The following ADGRG4 variants were observed in gnomAD, a reference collection of about 807,000 sequenced individuals.
The protein encoded by ADGRG4 is G protein-coupled receptor 112.
In ADGRG4, 122 loss-of-function variants were observed where a neutral mutation model predicts 126.2. The ratio of observed to expected loss-of-function variants is 0.97; its 90% confidence interval spans 0.83 to 1.12. The LOEUF (loss-of-function observed/expected upper bound fraction) is 1.12, where lower values mean the gene tolerates loss of function less well. Among genes scored for constraint, ADGRG4 ranks in the 50% most tolerant of loss-of-function variants. The pLI is 0.00. For synonymous variants in ADGRG4, 943 were observed against 838.7 expected (o/e 1.12, Z -2.15); for missense variants, 2,481 against 2,251.8 (o/e 1.10, Z -2.06).
chrX:136,408,747 C>T (rs1000886776), intron 23 of ADGRG4, among the ~76,000 whole-genome samples: 1 of 111,731 alleles, frequency 9.0e-6, no homozygotes, highest in Non-Finnish European at 1.9e-5. Flanking sequence ...AATGAGATTG[C>T]TGAGTCAAAT....
intron 4 of ADGRG4, among the ~76,000 whole-genome samples, chrX:136,310,962 G>T (rs1037334951): frequency 1.8e-5 from 2 of 111,309 alleles, no homozygotes; most frequent in Non-Finnish European, 3.8e-5. Context: ...TTTAAACCAT[G>T]GGCATTTATT....
At chrX:136,378,062 A>G (rs923220381) in intron 15 of ADGRG4, among the ~76,000 whole-genome samples, 1 of 111,207 alleles carries the variant, frequency 9.0e-6, no homozygotes, top group Non-Finnish European at 1.9e-5. Context: ...TTATTGGTCA[A>G]TTTTGGGAGA....
At chrX:136,329,909 G>A (rs1292471371) in intron 5 of ADGRG4, among the ~76,000 whole-genome samples, 1 of 109,826 alleles carries the variant, frequency 9.1e-6, no homozygotes, top group Non-Finnish European at 1.9e-5. Flanking sequence ...GTCTTGCTAT[G>A]TTGCCTAGGC....
chrX:136,349,120 C>G lies in ADGRG4; in HGVS notation c.5414C>G (p.Thr1805Ser), dbSNP rs1477345630. 1 of 1,204,562 alleles carries G rather than the reference C, an allele frequency of 8.3e-7. No individual in the cohort carries two copies. Residue 1805 changes from threonine (T) to serine (S), a missense_variant, in exon 6 of 26, where the codon ACT becomes AGT. Coordinates refer to ENST00000394143, the MANE Select transcript of ADGRG4 (RefSeq NM_153834.4). ...AAGATGACTTCCTTGTTAGAAAAGACTTCCTTAACAAACTATGCCACATCT... is the reference window on the plus strand; with the variant it reads ...AAGATGACTTCCTTGTTAGAAAAGAGTTCCTTAACAAACTATGCCACATCT... The part of the protein sequence containing the change: ...TRKMTSLLEK[T>S]SLTNYATSLN...
Position 136,345,839 on chromosome X carries a change from C to T in ADGRG4, c.2133C>T (p.Gly711=). The T allele has an allele frequency of 8.3e-7, 1 of 1,210,615 alleles. No homozygotes were observed. Among genetic ancestry groups the T allele is most frequent in the East Asian group, 3.0e-5 (1 of 33,826 alleles). Reference sequence around the variant, plus strand: ...CCCCACTGAAAGCATCTCCAGAGGGCAAAGGTACCACTGCCAATGATGCTA... The same window carrying T: ...CCCCACTGAAAGCATCTCCAGAGGGTAAAGGTACCACTGCCAATGATGCTA... ...NITPLKASPE[G]KGTTANDATT... Residue 711 remains glycine (G), a synonymous_variant, in exon 6 of 26, where the codon GGC becomes GGT. Transcript: ENST00000394143.
At chrX:136,328,674 G>A (rs1023811476) in intron 5 of ADGRG4, among the ~76,000 whole-genome samples, 4 of 111,838 alleles carry the variant, frequency 3.6e-5, no homozygotes, top group Admixed American at 1.9e-4. Flanking sequence ...TTTATGAATT[G>A]ACTATTCTTA....
chrX:136,363,113 A>T (rs1163340521), intron 12 of ADGRG4, among the ~76,000 whole-genome samples: 2 of 111,687 alleles, frequency 1.8e-5, no homozygotes, highest in East Asian at 5.7e-4. Context: ...ACCACATTCG[A>T]ACAGGAATTT....
At chrX:136,351,421 A>G in intron 6 of ADGRG4, 26 bp from the exon 7 acceptor site, 1 of 889,051 alleles carries the variant, frequency 1.1e-6, no homozygotes, top group Admixed American at 3.2e-5. Context: ...AATGAATAAA[A>G]TTAACCTCCT....
intron 20 of ADGRG4, 78 bp from the exon 21 acceptor site, chrX:136,399,770 T>A: frequency 2.4e-6 from 2 of 836,233 alleles, no homozygotes; most frequent in Non-Finnish European, 3.4e-6. Flanking sequence ...TCACTTATTA[T>A]GTAGATAAGA....
intron 5 of ADGRG4, among the ~76,000 whole-genome samples, chrX:136,329,228 A>G (rs2074893617): frequency 9.0e-6 from 1 of 111,688 alleles, no homozygotes; most frequent in Admixed American, 9.5e-5. Flanking sequence ...GGCTAGAACG[A>G]CACATAGATT....
At chrX:136,301,322 T>C (rs1193041814) in intron 1 of ADGRG4, among the ~76,000 whole-genome samples, 1 of 112,569 alleles carries the variant, frequency 8.9e-6, no homozygotes, top group Non-Finnish European at 1.9e-5. Context: ...TTGATTTGCA[T>C]TTCTCTGATG....
Position 136,411,652 on chromosome X carries a change from G to A in ADGRG4, c.8936-613G>A, listed in dbSNP as rs189671441. On this transcript the variant is annotated intron_variant, in intron 23 of 25. Transcript: ENST00000394143. ...GGATCAGGAATTCAGGGGCAGCTTA[G>A]CTGGGTGTTTCTGACTCAGGGACTG... Among the ~76,000 whole-genome samples, 393 of 112,899 alleles carry A rather than the reference G, an allele frequency of 3.5e-3. 1 individual carries two copies. The highest frequency in any genetic ancestry group is 0.012 in the African/African-American group (360 of 31,136).
intron 5 of ADGRG4, among the ~76,000 whole-genome samples, chrX:136,325,443 T>C (rs2148452608): frequency 8.9e-6 from 1 of 112,083 alleles, no homozygotes; most frequent in South Asian, 3.8e-4. Context: ...AAAGAGAATA[T>C]TCCTAGCTGG....
chrX:136,397,927 C>G lies in ADGRG4; in HGVS notation c.8231C>G (p.Ala2744Gly), dbSNP rs775547546. The G allele has an allele frequency of 1.7e-6, 2 of 1,194,839 alleles. No individual in the cohort carries two copies. Among genetic ancestry groups the G allele is most frequent in the South Asian group, 3.5e-5 (2 of 56,526 alleles). ...TVDSVNEQIL[A>G]LITYTGCGIS... ...GATTCAGTGAATGAACAGATATTAG[C>G]GCTTATAACATACACCGGATGTGGA... is the stretch of plus-strand genomic sequence containing the variant. Residue 2744 changes from alanine to glycine, a missense_variant, in exon 20 of 26, where the codon GCG (alanine) becomes GGG (glycine). Physicochemically the swap from Ala to Gly is moderately conservative, Grantham distance 60. Transcript: ENST00000394143.
chrX:136,337,318 C>T (rs1480885652), intron 5 of ADGRG4, among the ~76,000 whole-genome samples: 1 of 111,661 alleles, frequency 9.0e-6, no homozygotes, highest in East Asian at 2.8e-4. Context: ...CAATTTTTGT[C>T]TCAATCATCA....
chrX:136,412,286 A>C lies in ADGRG4; in HGVS notation c.8957A>C (p.His2986Pro). Residue 2986 changes from histidine to proline, a missense_variant, in exon 24 of 26, where the codon CAC becomes CCC. His to Pro is a moderately conservative substitution (Grantham distance 77). Transcript: ENST00000394143. ...TTAGGATTCTTCATTTTTGTGTTTCACTGTGTGATGAAGGAGAGTGTGCGG... is the reference window on the plus strand; with the variant it reads ...TTAGGATTCTTCATTTTTGTGTTTCCCTGTGTGATGAAGGAGAGTGTGCGG... ...TLQGFFIFVF[H>P]CVMKESVREQ... 1 of 1,203,753 alleles carries C rather than the reference A, an allele frequency of 8.3e-7. No individual in the cohort carries two copies. Among genetic ancestry groups the C allele is most frequent in the Non-Finnish European group, 1.1e-6 (1 of 888,074 alleles).
chrX:136,308,147 A>G (rs1221390438), intron 3 of ADGRG4, among the ~76,000 whole-genome samples: 2 of 112,909 alleles, frequency 1.8e-5, no homozygotes, highest in African/African-American at 3.2e-5. Context: ...CTTGTTGCCC[A>G]GGTTGGAGCG....
chrX:136,343,257 A>G (rs1396949633), intron 5 of ADGRG4, among the ~76,000 whole-genome samples: 1 of 111,136 alleles, frequency 9.0e-6, no homozygotes, highest in Admixed American at 9.6e-5. Flanking sequence ...AGGGCCAGTC[A>G]CTAAAGGAAT....
chrX:136,307,803 G>T (rs910398871), intron 3 of ADGRG4, among the ~76,000 whole-genome samples: 1 of 112,534 alleles, frequency 8.9e-6, no homozygotes, highest in Non-Finnish European at 1.9e-5. Context: ...TCTGTAACAT[G>T]TTTCAGTAGG....
Sources: allele counts gnomAD v4.1 joint callset (sites outside exome capture counted in the v4.1 genomes callset), GRCh38; gene constraint gnomAD v4.1.1; transcripts MANE v1.5; gene names NCBI Gene and HGNC (gene_info 2026-07-23, HGNC 2026-07-21).